The following CACNB4 variants were observed in gnomAD, a reference collection of about 807,000 sequenced individuals.
CACNB4 encodes the protein calcium voltage-gated channel auxiliary subunit beta 4, also known as voltage-dependent L-type calcium channel subunit beta-4.
Under a neutral mutation model 71.2 loss-of-function variants are expected in CACNB4, and 32 were observed. The ratio of observed to expected loss-of-function variants is 0.45; its 90% confidence interval spans 0.34 to 0.60. CACNB4 has a LOEUF of 0.60. Among genes scored for constraint, CACNB4 ranks in the 20% least tolerant of loss-of-function variants. The probability of loss-of-function intolerance (pLI) is 0.01; values close to 1 mark genes in which losing one functional copy is unlikely to be tolerated. For missense variants in CACNB4, 464 were observed against 647.9 expected, an observed-to-expected ratio of 0.72 and a Z score of 3.08; for synonymous variants, 231 against 236.9, an observed-to-expected ratio of 0.97 and a Z score of 0.23.
At position 151,846,496 on chromosome 2, in the gene CACNB4, CTG is replaced by C. The variant is rs568633535; in HGVS notation, c.1117-4410_1117-4409del. On this transcript the variant is annotated intron_variant, in intron 12 of 13. Coordinates refer to ENST00000539935, the MANE Select transcript of CACNB4 (RefSeq NM_000726.5). ...ATATTTTTAATAAAAAGTTTATAAA[CTG>C]TAGAAACTAATTTTGCAGTTTAATT... 8.8e-4 allele frequency among the ~76,000 whole-genome samples: 134 copies of C among 152,078 alleles called. 2 individuals are homozygous for C. Among genetic ancestry groups the C allele is most frequent in the African/African-American group, 3.0e-3 (125 of 41,480 alleles).
intron 2 of CACNB4, among the ~76,000 whole-genome samples, chr2:151,919,216 T>C (rs1467681137): frequency 1.3e-5 from 2 of 152,156 alleles, no homozygotes; most frequent in African/African-American, 2.4e-5. Flanking sequence ...GGCATGAGGA[T>C]TGTCTTCTCT....
At chr2:151,884,864 T>C (rs1361544030) in intron 2 of CACNB4, among the ~76,000 whole-genome samples, 1 of 152,210 alleles carries the variant, frequency 6.6e-6, no homozygotes, top group Non-Finnish European at 1.5e-5. Context: ...ACTGGTGTAT[T>C]TGATTATGTT....
intron 2 of CACNB4, chr2:151,968,044 C>G (rs950751496): frequency 1.3e-5 from 2 of 152,182 alleles, no homozygotes; most frequent in African/African-American, 4.8e-5. Context: ...CCAATACATG[C>G]TGTAAAAATA....
chr2:151,946,140 C>T (rs774306763), intron 2 of CACNB4, among the ~76,000 whole-genome samples: 7 of 151,974 alleles, frequency 4.6e-5, no homozygotes, highest in Non-Finnish European at 8.8e-5. Context: ...ACCAGCCTGG[C>T]CAACATGGCG....
chr2:152,068,100 A>G (rs79282364), intron 2 of CACNB4, among the ~76,000 whole-genome samples: 1,604 of 152,292 alleles, frequency 0.011, 34 homozygotes, highest in African/African-American at 0.037. Flanking sequence ...ATGAAGGCAC[A>G]GTCTCAGTAC....
chr2:152,006,377 A>G (rs924719597), intron 2 of CACNB4, among the ~76,000 whole-genome samples: 6 of 148,938 alleles, frequency 4.0e-5, no homozygotes, highest in Non-Finnish European at 8.9e-5. Context: ...CCCCCGTTCC[A>G]TATCTCTCTT....
intron 2 of CACNB4, among the ~76,000 whole-genome samples, chr2:151,985,205 T>C (rs1560109696): frequency 6.6e-6 from 1 of 152,188 alleles, no homozygotes; most frequent in Non-Finnish European, 1.5e-5. Flanking sequence ...ATTTTGGTGT[T>C]TTTCTATCTT....
At position 151,990,487 on chromosome 2, in the gene CACNB4, G is replaced by A. The variant is rs145237612; in HGVS notation, c.148-107117C>T. On this transcript the variant is annotated intron_variant, in intron 2 of 13. Transcript: ENST00000539935. ...GCCACCACATCACAGCATTTCCCAC[G>A]GTTCGCCCTCCTCACTCAGGCAACA... Among the ~76,000 whole-genome samples the A allele has an allele frequency of 7.0e-3, 1,068 of 152,196 alleles. 6 individuals carry two copies. The highest frequency in any genetic ancestry group is 9.6e-3 in the Non-Finnish European group (655 of 68,010).
At chr2:151,944,834 G>A (rs989273934) in intron 2 of CACNB4, among the ~76,000 whole-genome samples, 9 of 152,168 alleles carry the variant, frequency 5.9e-5, no homozygotes, top group Non-Finnish European at 1.3e-4. Context: ...AGCAGAAACT[G>A]TCTTCTTGGA....
intron 2 of CACNB4, among the ~76,000 whole-genome samples, chr2:151,991,097 G>C (rs1341226860): frequency 6.6e-6 from 1 of 152,148 alleles, no homozygotes; most frequent in Non-Finnish European, 1.5e-5. Flanking sequence ...TCTCAGAGGA[G>C]CCTGCTCCTG....
intron 2 of CACNB4, among the ~76,000 whole-genome samples, chr2:152,040,527 C>T (rs1251843231): frequency 1.3e-5 from 2 of 152,092 alleles, no homozygotes; most frequent in Admixed American, 6.5e-5. Flanking sequence ...CTGCAACCTC[C>T]GCCCCCTGGG....
chr2:151,856,698 C>G (rs1192823032), intron 10 of CACNB4: 1 of 152,062 alleles, frequency 6.6e-6, no homozygotes, highest in Non-Finnish European at 1.5e-5. Context: ...GTACACAAAA[C>G]TATCTAACTT....
At chr2:152,086,830 G>C (rs547759539) in intron 2 of CACNB4, among the ~76,000 whole-genome samples, 109 of 152,282 alleles carry the variant, frequency 7.2e-4, no homozygotes, top group African/African-American at 2.4e-3. Flanking sequence ...TGATTTCCAT[G>C]CAGGTTAAAG....
chr2:151,995,936 C>A (rs1682017271), intron 2 of CACNB4, among the ~76,000 whole-genome samples: 2 of 152,214 alleles, frequency 1.3e-5, no homozygotes. Flanking sequence ...GCTGACCTTG[C>A]AAACAAGTTC....
intron 2 of CACNB4, among the ~76,000 whole-genome samples, chr2:151,938,149 T>C (rs1299602145): frequency 1.3e-5 from 2 of 152,130 alleles, no homozygotes; most frequent in Non-Finnish European, 2.9e-5. Flanking sequence ...TGGTGAATAA[T>C]AAACACACTG....
chr2:152,043,549 G>A (rs2105257174), intron 2 of CACNB4, among the ~76,000 whole-genome samples: 1 of 152,134 alleles, frequency 6.6e-6, no homozygotes, highest in African/African-American at 2.4e-5. Flanking sequence ...CAAACTCCTG[G>A]TCTCAAATGA....
At chr2:151,997,910 G>A (rs1463523124) in intron 2 of CACNB4, among the ~76,000 whole-genome samples, 2 of 152,046 alleles carry the variant, frequency 1.3e-5, no homozygotes, top group East Asian at 1.9e-4. Context: ...ACTTTCGTGG[G>A]AGCCATCATT....
At chr2:152,034,189 G>A (rs1318835572) in intron 2 of CACNB4, among the ~76,000 whole-genome samples, 1 of 152,186 alleles carries the variant, frequency 6.6e-6, no homozygotes, top group Non-Finnish European at 1.5e-5. Flanking sequence ...TAAATGATCG[G>A]AATGCCCAGG....
intron 4 of CACNB4, chr2:151,880,566 T>C (rs1353730960): frequency 5.8e-6 from 3 of 521,228 alleles, no homozygotes; most frequent in East Asian, 3.6e-5. Flanking sequence ...CAGAAATCTA[T>C]GCTATAATTT....
Sources: gnomAD v4.1 joint callset for allele counts (sites outside exome capture counted in the v4.1 genomes callset) on GRCh38, gnomAD v4.1.1 for gene constraint, MANE v1.5 for transcripts, NCBI Gene and HGNC (gene_info 2026-07-23, HGNC 2026-07-21) for gene names.